Variants in SH3BP2 observed in about 807,000 individuals in gnomAD.
SH3BP2 encodes SH3 domain binding protein 2, also known as SH3 domain-binding protein 2.
In SH3BP2, 38 loss-of-function variants were observed where a neutral mutation model predicts 56.2. The observed-to-expected ratio is 0.68, with a 90% confidence interval of 0.52 to 0.89. The LOEUF is 0.89. Among genes scored for constraint, SH3BP2 ranks in the 40% least tolerant of loss-of-function variants. The pLI, the probability that SH3BP2 is intolerant of heterozygous loss-of-function variation, is 0.00. For missense variants in SH3BP2, 748 were observed against 762.6 expected (o/e 0.98, Z 0.23); for synonymous variants, 346 against 316.7 (o/e 1.09, Z -0.98).
intron 1 of SH3BP2, among the ~76,000 whole-genome samples, chr4:2,815,500 A>G (rs1723956246): frequency 6.6e-6 from 1 of 152,186 alleles, no homozygotes; most frequent in African/African-American, 2.4e-5. Flanking sequence ...GCCTGCCCCT[A>G]TCTGGCCACT....
intron 1 of SH3BP2, chr4:2,818,286 G>C (rs1379332652): frequency 1.9e-6 from 2 of 1,039,024 alleles, no homozygotes; most frequent in African/African-American, 3.4e-5. Flanking sequence ...CCCGGGACGA[G>C]GCGGCGGCGG....
At chr4:2,828,410 C>T (rs896453134) in intron 7 of SH3BP2, among the ~76,000 whole-genome samples, 13 of 152,026 alleles carry the variant, frequency 8.6e-5, no homozygotes, top group Admixed American at 4.6e-4. Context: ...TTCAGGCTCC[C>T]GGGTCCAGCC....
chr4:2,832,544 T>G, intron 11 of SH3BP2, 132 bp downstream of exon 11: 1 of 764,454 alleles, frequency 1.3e-6, no homozygotes, highest in Non-Finnish European at 2.4e-6. Flanking sequence ...AGCTGAATTC[T>G]CTTCCCAGCA....
At chr4:2,803,226 C>T (rs980905671) in intron 1 of SH3BP2, among the ~76,000 whole-genome samples, 23 of 152,234 alleles carry the variant, frequency 1.5e-4, no homozygotes, top group African/African-American at 5.5e-4. Flanking sequence ...GTGGTGGCTC[C>T]TGACCTCTGC....
intron 1 of SH3BP2, chr4:2,818,130 G>A: frequency 1.3e-6 from 1 of 762,994 alleles, no homozygotes; most frequent in Non-Finnish European, 1.6e-6. Flanking sequence ...GCAGGGGGCG[G>A]GGCCGGGAGG....
chr4:2,804,140 C>T (rs1281174458), intron 1 of SH3BP2, among the ~76,000 whole-genome samples: 4 of 152,170 alleles, frequency 2.6e-5, no homozygotes, highest in African/African-American at 9.7e-5. Context: ...TCTCGGTTTC[C>T]TCAGCTGCCT....
At chr4:2,818,253 C>G (rs1430581370) in intron 1 of SH3BP2, 1 of 996,786 alleles carries the variant, frequency 1.0e-6, no homozygotes, top group African/African-American at 1.8e-5. Flanking sequence ...GGCCGCGGAG[C>G]TGGGGCCGGC....
Position 2,799,235 on chromosome 4 carries a change from T to G in SH3BP2, c.-5+6097T>G, listed in dbSNP as rs1723160637. On this transcript the variant is annotated intron_variant, in intron 1 of 12. Coordinates refer to ENST00000503393, the MANE Select transcript of SH3BP2 (RefSeq NM_001122681.2). ...CTGGGGGTGGAATCTCTGAAATGCC[T>G]TCCCCTCGGGACCCTCACCGCGACT... 6 of 985,420 alleles carry G rather than the reference T, an allele frequency of 6.1e-6. No individual in the cohort carries two copies. The South Asian group carries it at 2.8e-4, about 46-fold the overall frequency. The allele number at this position is 985,420 out of a possible 1,614,324, so 61.0% of individuals were successfully genotyped here.
intron 1 of SH3BP2, among the ~76,000 whole-genome samples, chr4:2,817,090 C>T (rs1206088977): frequency 6.6e-6 from 1 of 152,166 alleles, no homozygotes; most frequent in African/African-American, 2.4e-5. Context: ...GGTGCTTGCT[C>T]GATTCAGGTA....
At chr4:2,828,674 C>T (rs1025239929) in intron 7 of SH3BP2, among the ~76,000 whole-genome samples, 1 of 152,224 alleles carries the variant, frequency 6.6e-6, no homozygotes, top group African/African-American at 2.4e-5. Context: ...AGAGATGGGC[C>T]TGGGGAGCCA....
At position 2,833,842 on chromosome 4, in the gene SH3BP2, C is replaced by G; in HGVS notation, c.*8C>G. On this transcript the variant is annotated 3_prime_UTR_variant, in exon 13 of 13. Coordinates refer to ENST00000503393, the MANE Select transcript of SH3BP2 (RefSeq NM_001122681.2). ...TACACTGGGCCTAGGTGATGGCAGT[C>G]CATGTGGCTGCCAGGCCAAGGCAGT... The G allele has an allele frequency of 6.4e-7, 1 of 1,558,890 alleles. No homozygotes were observed. The highest frequency in any genetic ancestry group is 1.2e-5 in the South Asian group (1 of 85,710).
chr4:2,812,540 C>A (rs1442207400), intron 1 of SH3BP2: 2 of 1,513,114 alleles, frequency 1.3e-6, no homozygotes, highest in Non-Finnish European at 8.9e-7. Context: ...CCTGAAGAAC[C>A]AGTAAGGGGG....
At position 2,810,643 on chromosome 4, in the gene SH3BP2, A is replaced by G. The variant is rs1025073619; in HGVS notation, c.-4-9971A>G. On this transcript the variant is annotated intron_variant, in intron 1 of 12. Transcript: ENST00000503393. The surrounding 1 kb of genome is among the most constrained non-coding windows in gnomAD (Gnocchi z 4.2). Reference sequence around the variant, plus strand: ...CCAACCCTGGGGTGTGCTCACCCCAAGCCCCTTCCTCCCGTGGCTCCCTCA... The same window carrying G: ...CCAACCCTGGGGTGTGCTCACCCCAGGCCCCTTCCTCCCGTGGCTCCCTCA... Among the ~76,000 whole-genome samples the G allele has an allele frequency of 2.0e-5, 3 of 151,844 alleles. No individual in the cohort carries two copies. Among genetic ancestry groups the G allele is most frequent in the Non-Finnish European group, 4.4e-5 (3 of 67,950 alleles).
chr4:2,803,790 CAT>C (rs1723420345), intron 1 of SH3BP2, among the ~76,000 whole-genome samples: 1 of 152,178 alleles, frequency 6.6e-6, no homozygotes, highest in African/African-American at 2.4e-5. Flanking sequence ...TTGGCTAACT[CAT>C]GTGGAAGATT....
rs34668322 is a variant in SH3BP2, at chr4:2,831,661, G to A, written c.1332G>A (p.Ser444=). 5.8e-4 allele frequency: 916 copies of A among 1,589,610 alleles called. 4 individuals carry two copies. In the African/African-American group the frequency reaches 0.011, roughly 18 times the overall value. Residue 444 remains serine (S), a synonymous_variant, in exon 9 of 13, where the codon TCG becomes TCA. Transcript: ENST00000503393. This position sits in a 1 kb window ranked among gnomAD's most constrained non-coding sequence, Gnocchi z 4.1. ...PSQADTGGDD[S]DEDYEKVPLP... The stretch of plus-strand genomic sequence containing the variant: ...AGGCTGACACTGGCGGGGACGACTC[G>A]GACGAGGACTATGAGAAGGCAAGGC...
Position 2,810,069 on chromosome 4 carries a change from G to A in SH3BP2, c.-4-10545G>A, listed in dbSNP as rs1317819836. On this transcript the variant is annotated intron_variant, in intron 1 of 12. Transcript: ENST00000503393. The surrounding 1 kb of genome is among the most constrained non-coding windows in gnomAD (Gnocchi z 4.2). ...CAAGGAGTGGCCATGGCTGAGGAGG[G>A]GAGAATGGCCTGTGTTTAGGAATAT... Among the ~76,000 whole-genome samples the A allele has an allele frequency of 2.0e-5, 3 of 152,224 alleles. No individual in the cohort carries two copies. The highest frequency in any genetic ancestry group is 7.2e-5 in the African/African-American group (3 of 41,450).
At chr4:2,814,233 G>C (rs528785363) in intron 1 of SH3BP2, among the ~76,000 whole-genome samples, 13 of 152,360 alleles carry the variant, frequency 8.5e-5, no homozygotes, top group Non-Finnish European at 1.8e-4. Context: ...ATGAGGGCCT[G>C]CACAGGCCAT....
At chr4:2,804,882 C>A (rs116022826) in intron 1 of SH3BP2, among the ~76,000 whole-genome samples, 1 of 152,258 alleles carries the variant, frequency 6.6e-6, no homozygotes, top group African/African-American at 2.4e-5. Flanking sequence ...GGTAGCCAAG[C>A]GTTGCAGCTC....
At chr4:2,809,736 G>T in intron 1 of SH3BP2, 1 of 967,310 alleles carries the variant, frequency 1.0e-6, no homozygotes. Context: ...CGGGCTGAAG[G>T]CTCCCAGAAC....
Sources: gnomAD v4.1 joint callset for allele counts (sites outside exome capture counted in the v4.1 genomes callset) on GRCh38, gnomAD v4.1.1 for gene constraint, Gnocchi (gnomAD v3.1) non-coding constraint, MANE v1.5 for transcripts, NCBI Gene and HGNC (gene_info 2026-07-23, HGNC 2026-07-21) for gene names.